PIP5K1C: variants seen among roughly 807,000 people sequenced by gnomAD.
PIP5K1C encodes the protein phosphatidylinositol 4-phosphate 5-kinase type-1 gamma.
In PIP5K1C, 45 loss-of-function variants were observed where a neutral mutation model predicts 80.1. The ratio of observed to expected loss-of-function variants is 0.56; its 90% CI spans 0.44 to 0.72. The LOEUF (loss-of-function observed/expected upper bound fraction) is 0.72. Among genes scored for constraint, PIP5K1C ranks in the 30% least tolerant of loss-of-function variants. The pLI is 0.00. For missense variants in PIP5K1C, 753 were observed against 954.6 expected, an observed-to-expected ratio of 0.79 and a Z score of 2.78; for synonymous variants, 498 against 420.1, an observed-to-expected ratio of 1.19 and a Z score of -2.27.
At chr19:3,674,968 T>C (rs1568346946) in intron 1 of PIP5K1C, among the ~76,000 whole-genome samples, 2 of 152,102 alleles carry the variant, frequency 1.3e-5, no homozygotes, top group Admixed American at 6.6e-5. Flanking sequence ...CTTGAAGACG[T>C]CACACTCAGT....
In PIP5K1C at chr19:3,637,336, G is replaced by A. The variant is rs2033730839; in HGVS notation, c.1920+1548C>T. On this transcript the variant is annotated intron_variant, in intron 16 of 17. Transcript: ENST00000335312. The surrounding 1 kb of genome is among the most constrained non-coding windows in gnomAD (Gnocchi z 7.0). ...CGCCCGGTTCGACGTGGGACCGAAT[G>A]ACATTCCCAGTGACGCATGCAGCCC... 4 of 1,533,464 alleles carry A rather than the reference G, an allele frequency of 2.6e-6. No homozygotes were observed. Among genetic ancestry groups the A allele is most frequent in the South Asian group, 2.4e-5 (2 of 83,872 alleles). The allele number at this position is 1,533,464 out of a possible 1,614,324, so 95.0% of individuals were successfully genotyped here.
intron 1 of PIP5K1C, among the ~76,000 whole-genome samples, chr19:3,675,622 C>T (rs2035333458): frequency 6.6e-6 from 1 of 152,198 alleles, no homozygotes; most frequent in Non-Finnish European, 1.5e-5. Flanking sequence ...TCCATGGTGA[C>T]ATCAAACGGC....
At chr19:3,662,273 G>A (rs971252517) in intron 3 of PIP5K1C, among the ~76,000 whole-genome samples, 1 of 152,236 alleles carries the variant, frequency 6.6e-6, no homozygotes, top group Admixed American at 6.5e-5. Context: ...TCCCAGTCCT[G>A]TTGGCTAGCT....
At chr19:3,647,991 A>G (rs772214309) in intron 9 of PIP5K1C, among the ~76,000 whole-genome samples, 1 of 151,646 alleles carries the variant, frequency 6.6e-6, no homozygotes, top group Non-Finnish European at 1.5e-5. Context: ...TCGAGCCCCA[A>G]AGTGAGGCCT....
chr19:3,644,793 A>C (rs1448339001), intron 11 of PIP5K1C, among the ~76,000 whole-genome samples: 3 of 152,184 alleles, frequency 2.0e-5, no homozygotes, highest in Non-Finnish European at 2.9e-5. Flanking sequence ...GATGTCCCGC[A>C]CAGGGCCAGG....
At chr19:3,653,678 A>C in intron 6 of PIP5K1C, 89 bp from the exon 7 acceptor site, 12 of 1,243,986 alleles carry the variant, frequency 9.6e-6, no homozygotes, top group African/African-American at 1.5e-5. Context: ...CAGGGGGCTC[A>C]TGGATGCCCC....
At chr19:3,697,925 G>A (rs1035994221) in intron 1 of PIP5K1C, among the ~76,000 whole-genome samples, 17 of 152,196 alleles carry the variant, frequency 1.1e-4, no homozygotes, top group African/African-American at 3.4e-4. Context: ...GCCACGCCTC[G>A]GGAGCCAGGA....
rs575519801 is a variant in PIP5K1C at position 3,637,547 on chromosome 19, C to T, written c.1920+1337G>A. The T allele has an allele frequency of 3.1e-5, 47 of 1,534,872 alleles. No homozygotes were observed. Among genetic ancestry groups the T allele is most frequent in the Admixed American group, 2.7e-4 (14 of 50,932 alleles). ...CTGCGGTCACTTACAGTCCCCGAGG[C>T]GCTCAGCGTCACGGCCCGCAGTCGG... On this transcript the variant is annotated intron_variant, in intron 16 of 17. Transcript: ENST00000335312. This position sits in a 1 kb window ranked among gnomAD's most constrained non-coding sequence, Gnocchi z 7.0.
Position 3,637,130 on chromosome 19 carries a change from C to G in PIP5K1C, c.1920+1754G>C. The stretch of plus-strand genomic sequence containing the variant: ...ACTCTGCTGACCTGTGCAACCTCCC[C>G]TGTGCAGCCAGCGGGGCCACGGGCA... On this transcript the variant is annotated intron_variant, in intron 16 of 17. Coordinates refer to ENST00000335312, the MANE Select transcript of PIP5K1C (RefSeq NM_012398.3). The surrounding 1 kb of genome is among the most constrained non-coding windows in gnomAD (Gnocchi z 7.0). 7.2e-7 allele frequency: 1 copy of G among 1,379,470 alleles called. No individual in the cohort carries two copies. The allele number at this position is 1,379,470 out of a possible 1,614,324, so 85.5% of individuals were successfully genotyped here.
At chr19:3,673,022 C>G (rs571691873) in intron 1 of PIP5K1C, among the ~76,000 whole-genome samples, 2 of 144,956 alleles carry the variant, frequency 1.4e-5, no homozygotes, top group African/African-American at 5.1e-5. Flanking sequence ...AGGGGGCCCA[C>G]CCACCCCGCC....
chr19:3,678,800 A>AG, intron 1 of PIP5K1C, among the ~76,000 whole-genome samples: 1 of 100,406 alleles, frequency 1.0e-5, no homozygotes, highest in South Asian at 4.0e-4. Flanking sequence ...GGAGGGATGG[A>AG]GAATGGAGGG....
rs1193663910 is a variant in PIP5K1C at position 3,637,615 on chromosome 19, T to C, written c.1920+1269A>G. On this transcript the variant is annotated intron_variant, in intron 16 of 17. Transcript: ENST00000335312. The surrounding 1 kb of genome is among the most constrained non-coding windows in gnomAD (Gnocchi z 7.0). ...AATCCAGTACCTCCCATCCGTGAAC[T>C]GGACGGGGCGGGCCGGGTGGGCCGG... The C allele has an allele frequency of 4.4e-5, 20 of 453,318 alleles. No individual in the cohort carries two copies. The highest frequency in any genetic ancestry group is 6.9e-5 in the Non-Finnish European group (20 of 288,150). The allele number at this position is 453,318 out of a possible 1,614,324, so 28.1% of individuals were successfully genotyped here.
At chr19:3,638,182 C>T (rs2033787566) in intron 16 of PIP5K1C, among the ~76,000 whole-genome samples, 1 of 152,136 alleles carries the variant, frequency 6.6e-6, no homozygotes, top group Admixed American at 6.5e-5. Context: ...GCTGCCTGAT[C>T]TGAGTGGGAC....
intron 1 of PIP5K1C, among the ~76,000 whole-genome samples, chr19:3,678,633 AGGAT>A (rs2035487278): frequency 1.1e-5 from 1 of 88,834 alleles, no homozygotes; most frequent in African/African-American, 4.5e-5. Flanking sequence ...GAGAGATGGA[AGGAT>A]GGAGGGAGAG....
intron 1 of PIP5K1C, among the ~76,000 whole-genome samples, chr19:3,699,142 G>A (rs2036215539): frequency 6.6e-6 from 1 of 152,030 alleles, no homozygotes; most frequent in Non-Finnish European, 1.5e-5. Flanking sequence ...GGGGGCCCAA[G>A]AAAGGAACCC....
At chr19:3,659,791 C>T (rs967726388) in intron 5 of PIP5K1C, among the ~76,000 whole-genome samples, 6 of 152,170 alleles carry the variant, frequency 3.9e-5, no homozygotes, top group South Asian at 4.1e-4. Flanking sequence ...AGCGCAGCCT[C>T]GGGCGCTTCC....
intron 1 of PIP5K1C, among the ~76,000 whole-genome samples, chr19:3,675,055 G>C (rs577029284): frequency 1.3e-5 from 2 of 152,296 alleles, no homozygotes; most frequent in South Asian, 4.1e-4. Flanking sequence ...CTGATCCAGA[G>C]AGACAGGGAG....
At chr19:3,678,810 G>A (rs1433260584) in intron 1 of PIP5K1C, among the ~76,000 whole-genome samples, 3 of 129,076 alleles carry the variant, frequency 2.3e-5, no homozygotes, top group Non-Finnish European at 3.3e-5. Flanking sequence ...AGAATGGAGG[G>A]ATGGAGGATG....
intron 3 of PIP5K1C, 41 bp downstream of exon 3, chr19:3,664,781 C>T: frequency 6.6e-7 from 1 of 1,512,040 alleles, no homozygotes; most frequent in Non-Finnish European, 9.2e-7. Flanking sequence ...CCCCTCTGCT[C>T]TGTCCCGCTC....
Sources: allele counts gnomAD v4.1 joint callset (sites outside exome capture counted in the v4.1 genomes callset), GRCh38; gene constraint gnomAD v4.1.1; non-coding constraint Gnocchi (gnomAD v3.1); transcripts MANE v1.5; gene names NCBI Gene and HGNC (gene_info 2026-07-23, HGNC 2026-07-21).